Variants in DCAF10 observed in about 807,000 individuals in gnomAD.
The protein encoded by DCAF10 is DDB1 and CUL4 associated factor 10.
In DCAF10, 19 loss-of-function variants were observed where a neutral mutation model predicts 51.9. The ratio of observed to expected loss-of-function variants is 0.37; its 90% CI spans 0.26 to 0.54. DCAF10 has a LOEUF of 0.54. Ranked by LOEUF, DCAF10 falls within the 20% of genes least tolerant of loss-of-function variation. DCAF10 has a pLI of 0.87. For missense variants in DCAF10, 510 were observed against 730.6 expected (o/e 0.70, Z 3.48); for synonymous variants, 291 against 297.1 (o/e 0.98, Z 0.21).
rs1417789364 is a variant in DCAF10, at chr9:37,862,913, G to A, written c.*1405G>A. ...CAGAAACCTGAGCCTCACCTTATGA[G>A]ATTCTGATTCAGCCAGGGGGAGGAC... On this transcript the variant is annotated 3_prime_UTR_variant, in exon 7 of 7. Transcript: ENST00000377724. 1 of 152,154 alleles carries A rather than the reference G, an allele frequency of 6.6e-6. No homozygotes were observed. The highest frequency in any genetic ancestry group is 1.5e-5 in the Non-Finnish European group (1 of 68,038). The allele number at this position is 152,154 out of a possible 1,614,324, so 9.4% of individuals were successfully genotyped here.
rs1190509488 is a variant in DCAF10 at position 37,865,589 on chromosome 9, G to T, written c.*4081G>T. 6.6e-6 allele frequency: 1 copy of T among 152,102 alleles called. No individual in the cohort carries two copies. Among genetic ancestry groups the T allele is most frequent in the Non-Finnish European group, 1.5e-5 (1 of 68,010 alleles). The allele number at this position is 152,102 out of a possible 1,614,324, so 9.4% of individuals were successfully genotyped here. On this transcript the variant is annotated 3_prime_UTR_variant, in exon 7 of 7. Coordinates refer to ENST00000377724, the MANE Select transcript of DCAF10 (RefSeq NM_024345.5). ...ACAAATTGTTCTACTGTTTTAAAAA[G>T]TTTTCCGCAGAACAGTGCATTTATG...
chr9:37,830,412 C>T (rs1312543620), intron 2 of DCAF10, among the ~76,000 whole-genome samples: 1 of 152,116 alleles, frequency 6.6e-6, no homozygotes, highest in Non-Finnish European at 1.5e-5. Flanking sequence ...TAAACATTTA[C>T]AGAGAAAAAA....
Position 37,822,404 on chromosome 9 carries a change from G to GATATATATATAT in DCAF10, c.653+3030_653+3041dup, listed in dbSNP as rs59549239. ...ATCAATGAATGGATAAAGAAACTGT[G>GATATATATATAT]ATATATATATATATATATATATATA... On this transcript the variant is annotated intron_variant, in intron 2 of 6. Transcript: ENST00000377724. Among the ~76,000 whole-genome samples the GATATATATATAT allele has an allele frequency of 8.3e-4, 104 of 124,586 alleles. 1 individual carries two copies. Among genetic ancestry groups the GATATATATATAT allele is most frequent in the South Asian group, 2.0e-3 (6 of 3,022 alleles). The allele number at this position is 124,586 out of a possible 152,430, so 81.7% of individuals were successfully genotyped here. A position where few individuals can be genotyped will look rare whatever the true frequency, so the allele number is the denominator to read the frequency against.
At chr9:37,832,273 C>T (rs1318645420) in intron 2 of DCAF10, 1 of 150,558 alleles carries the variant, frequency 6.6e-6, no homozygotes, top group Admixed American at 6.7e-5. Context: ...TCCTGGCCAA[C>T]AAGGTGAAAC....
In DCAF10 at chr9:37,866,398, T is replaced by C. The variant is rs1420320237; in HGVS notation, c.*4890T>C. 1.3e-5 allele frequency: 2 copies of C among 152,648 alleles called. No individual in the cohort carries two copies. The highest frequency in any genetic ancestry group is 2.1e-4 in the South Asian group (1 of 4,828). 9.5% of individuals were successfully genotyped at this position (152,648 alleles called of 1,614,324 possible). A position where few individuals can be genotyped will look rare whatever the true frequency, so the allele number is the denominator to read the frequency against. ...AAAATGTAAAGGGCTATAACAAATATGTTATAAAGTGATTCTCTCAGCCCT... is the reference window on the plus strand; with the variant it reads ...AAAATGTAAAGGGCTATAACAAATACGTTATAAAGTGATTCTCTCAGCCCT... On this transcript the variant is annotated 3_prime_UTR_variant, in exon 7 of 7. Coordinates refer to ENST00000377724, the MANE Select transcript of DCAF10 (RefSeq NM_024345.5).
At chr9:37,817,074 C>T (rs895465950) in intron 1 of DCAF10, among the ~76,000 whole-genome samples, 1 of 151,966 alleles carries the variant, frequency 6.6e-6, no homozygotes, top group Non-Finnish European at 1.5e-5. Flanking sequence ...AGTCGAAGAA[C>T]AAAACTTGTA....
At chr9:37,836,362 A>G in intron 2 of DCAF10, 1 of 1,610,834 alleles carries the variant, frequency 6.2e-7, no homozygotes, top group Non-Finnish European at 8.5e-7. Flanking sequence ...CCAATCTGGG[A>G]AACACTATCA....
At chr9:37,847,221 C>T (rs1830500283) in intron 3 of DCAF10, among the ~76,000 whole-genome samples, 3 of 145,286 alleles carry the variant, frequency 2.1e-5, no homozygotes, top group African/African-American at 7.7e-5. Context: ...CCATTGCACC[C>T]CAGCCTGGGG....
intron 2 of DCAF10, 68 bp from the exon 3 acceptor site, chr9:37,842,020 GT>G: frequency 6.8e-7 from 1 of 1,472,380 alleles, no homozygotes; most frequent in Non-Finnish European, 9.2e-7. Context: ...TATAGTGACT[GT>G]TTCTCAAATC....
In DCAF10 at chr9:37,865,471, A is replaced by T. The variant is rs1250311804; in HGVS notation, c.*3963A>T. 17 of 152,192 alleles carry T rather than the reference A, an allele frequency of 1.1e-4. No homozygotes were observed. The highest frequency in any genetic ancestry group is 1.1e-3 in the Admixed American group (17 of 15,286). The allele number at this position is 152,192 out of a possible 1,614,324, so 9.4% of individuals were successfully genotyped here. A position where few individuals can be genotyped will look rare whatever the true frequency, so the allele number is the denominator to read the frequency against. On this transcript the variant is annotated 3_prime_UTR_variant, in exon 7 of 7. Coordinates refer to ENST00000377724, the MANE Select transcript of DCAF10 (RefSeq NM_024345.5). ...CCCATTTCACTTAAGAGTAAAATCT[A>T]ATCTGATGTTTTTTACTCTGAATTT...
At chr9:37,843,527 G>A (rs1411534274) in intron 3 of DCAF10, among the ~76,000 whole-genome samples, 2 of 152,090 alleles carry the variant, frequency 1.3e-5, no homozygotes, top group Non-Finnish European at 2.9e-5. Context: ...AATTAGTAGA[G>A]GGTAAAAAAC....
rs951649305 is a variant in DCAF10, at chr9:37,803,355, T to G, written c.539+1950T>G. ...TGTGAACTGCTTATGTTAATAAATA[T>G]ATTTCTACAACATTAACATTTTTCA... On this transcript the variant is annotated intron_variant, in intron 1 of 6. Transcript: ENST00000377724. Among the ~76,000 whole-genome samples the G allele has an allele frequency of 1.2e-4, 18 of 152,294 alleles. No homozygotes were observed. The South Asian group carries it at 2.1e-3, about 18-fold the overall frequency.
At chr9:37,824,612 A>G (rs1829801252) in intron 2 of DCAF10, among the ~76,000 whole-genome samples, 1 of 152,042 alleles carries the variant, frequency 6.6e-6, no homozygotes, top group South Asian at 2.1e-4. Flanking sequence ...GAAAATGAGA[A>G]GTAGAAAGAG....
chr9:37,800,841 C>T lies in DCAF10; in HGVS notation c.-26C>T. ...GGTGTCGGCCGGCGGGGCAGTGGCC[C>T]GGAGCGGGGGGCGGGGGCGTTGATC... On this transcript the variant is annotated 5_prime_UTR_variant, in exon 1 of 7. Coordinates refer to ENST00000377724, the MANE Select transcript of DCAF10 (RefSeq NM_024345.5). 3 of 1,486,108 alleles carry T rather than the reference C, an allele frequency of 2.0e-6. No homozygotes were observed. The South Asian group carries it at 4.0e-5, about 20-fold the overall frequency. 92.1% of individuals were successfully genotyped at this position (1,486,108 alleles called of 1,614,324 possible).
chr9:37,837,929 C>T (rs921846215), intron 2 of DCAF10, among the ~76,000 whole-genome samples: 5 of 151,348 alleles, frequency 3.3e-5, no homozygotes, highest in African/African-American at 1.2e-4. Flanking sequence ...GAGGCTGAGA[C>T]AAGGAGGGTT....
chr9:37,824,796 A>G (rs2117881618), intron 2 of DCAF10, among the ~76,000 whole-genome samples: 1 of 152,274 alleles, frequency 6.6e-6, no homozygotes, highest in Middle Eastern at 3.4e-3. Flanking sequence ...AATTATCAAT[A>G]TCAGACAGAT....
rs1013806197 is a variant in DCAF10 at position 37,832,814 on chromosome 9, T to C, written c.654-9275T>C. Among the ~76,000 whole-genome samples, 9 of 152,172 alleles carry C rather than the reference T, an allele frequency of 5.9e-5. 1 individual carries two copies. Among genetic ancestry groups the C allele is most frequent in the East Asian group, 1.9e-4 (1 of 5,198 alleles). Reference sequence around the variant, plus strand: ...CTAAGGAAAAAGGCTCTTGGGAAAATTGATGAGGCCCTTGAATATTTATAC... The same window carrying C: ...CTAAGGAAAAAGGCTCTTGGGAAAACTGATGAGGCCCTTGAATATTTATAC... On this transcript the variant is annotated intron_variant, in intron 2 of 6. Coordinates refer to ENST00000377724, the MANE Select transcript of DCAF10 (RefSeq NM_024345.5).
intron 2 of DCAF10, among the ~76,000 whole-genome samples, chr9:37,839,224 A>C (rs897757174): frequency 2.0e-5 from 3 of 151,566 alleles, no homozygotes; most frequent in Admixed American, 2.0e-4. Context: ...ATGCCCAGCT[A>C]ATTTTTTTTG....
chr9:37,812,954 T>C (rs1011968471), intron 1 of DCAF10, among the ~76,000 whole-genome samples: 1 of 152,130 alleles, frequency 6.6e-6, no homozygotes, highest in Non-Finnish European at 1.5e-5. Context: ...TGAAGTGAGC[T>C]AAGGTTCTTG....
Sources: allele counts gnomAD v4.1 joint callset (sites outside exome capture counted in the v4.1 genomes callset), GRCh38; gene constraint gnomAD v4.1.1; transcripts MANE v1.5; gene names NCBI Gene and HGNC (gene_info 2026-07-23, HGNC 2026-07-21).